DSCAM: variants seen among roughly 807,000 people sequenced by gnomAD.
DSCAM encodes DS cell adhesion molecule.
A neutral mutation model predicts 217.7 loss-of-function variants in DSCAM; 47 were observed. The ratio of observed to expected loss-of-function variants is 0.22; its 90% CI spans 0.17 to 0.28. DSCAM has a LOEUF of 0.28. Among genes scored for constraint, DSCAM ranks in the 10% least tolerant of loss-of-function variants. DSCAM has a pLI of 1.00. For missense variants in DSCAM, 2,080 were observed against 2,618.3 expected (o/e 0.79, Z 4.49); for synonymous variants, 1,056 against 1,015.3 (o/e 1.04, Z -0.76).
intron 1 of DSCAM, among the ~76,000 whole-genome samples, chr21:40,795,354 AT>A (rs11322744): frequency 0.47 from 69,937 of 148,974 alleles, 17,903 homozygotes; most frequent in South Asian, 0.66. Context: ...ACTACCCACA[AT>A]TTTTTTTTTT....
chr21:40,830,886 G>A (rs943931539), intron 1 of DSCAM, among the ~76,000 whole-genome samples: 3 of 152,176 alleles, frequency 2.0e-5, no homozygotes, highest in Non-Finnish European at 4.4e-5. Context: ...TTAGGCCACA[G>A]ACAAGAAGAC....
At chr21:40,691,432 A>G (rs1240936993) in intron 3 of DSCAM, among the ~76,000 whole-genome samples, 1 of 152,214 alleles carries the variant, frequency 6.6e-6, no homozygotes, top group African/African-American at 2.4e-5. Flanking sequence ...CCCTTGCCAT[A>G]TAAATTGGAG....
At chr21:40,485,163 C>T (rs1022507382) in intron 3 of DSCAM, among the ~76,000 whole-genome samples, 1 of 152,142 alleles carries the variant, frequency 6.6e-6, no homozygotes, top group African/African-American at 2.4e-5. Flanking sequence ...CCTGCTACCC[C>T]CTTTGCATCC....
Position 40,388,592 on chromosome 21 carries a change from C to G in DSCAM, c.509-19347G>C, listed in dbSNP as rs991077348. ...TTCCATAAGGCTGTCATGGTCATTA[C>G]TCTATTTAATCTTCATAGGAAAATC... On this transcript the variant is annotated intron_variant, in intron 3 of 32. Transcript: ENST00000400454. Among the ~76,000 whole-genome samples, 5 of 152,168 alleles carry G rather than the reference C, an allele frequency of 3.3e-5. No homozygotes were observed. In the East Asian group the frequency reaches 9.7e-4, roughly 29 times the overall value.
intron 3 of DSCAM, among the ~76,000 whole-genome samples, chr21:40,498,758 G>T (rs1422429423): frequency 0.04 from 375 of 9,468 alleles, no homozygotes; most frequent in Middle Eastern, 0.17. Context: ...TATATATATG[G>T]GTGTATATAT....
rs534412718 is a variant in DSCAM at position 40,533,461 on chromosome 21, T to C, written c.508+159349A>G. The stretch of plus-strand genomic sequence containing the variant: ...AAACATCTATCCATCCATCCACCCA[T>C]CGTCCATCCATCCGTCCGTCCATCC... On this transcript the variant is annotated intron_variant, in intron 3 of 32. Coordinates refer to ENST00000400454, the MANE Select transcript of DSCAM (RefSeq NM_001389.5). Among the ~76,000 whole-genome samples, 248 of 151,686 alleles carry C rather than the reference T, an allele frequency of 1.6e-3. 1 individual carries two copies. The highest frequency in any genetic ancestry group is 5.6e-3 in the African/African-American group (231 of 41,318).
chr21:40,570,201 G>A (rs1005565632), intron 3 of DSCAM, among the ~76,000 whole-genome samples: 1 of 152,230 alleles, frequency 6.6e-6, no homozygotes, highest in Non-Finnish European at 1.5e-5. Flanking sequence ...TGGAAAGCTG[G>A]TTACTGGTCA....
At chr21:40,495,269 A>C (rs1298858248) in intron 3 of DSCAM, among the ~76,000 whole-genome samples, 1 of 152,098 alleles carries the variant, frequency 6.6e-6, no homozygotes, top group South Asian at 2.1e-4. Flanking sequence ...AGACAAGAAC[A>C]CTCTAAGAAA....
intron 29 of DSCAM, among the ~76,000 whole-genome samples, chr21:40,055,055 G>A (rs996078127): frequency 2.6e-5 from 4 of 152,212 alleles, no homozygotes; most frequent in Admixed American, 6.5e-5. Context: ...GAGGCAGGCA[G>A]TGTGGGGTAA....
chr21:40,556,415 G>A (rs1287382745), intron 3 of DSCAM, among the ~76,000 whole-genome samples: 1 of 152,148 alleles, frequency 6.6e-6, no homozygotes, highest in African/African-American at 2.4e-5. Context: ...ACGTTATTAA[G>A]AAAATTGTAA....
At chr21:40,343,872 T>G in intron 6 of DSCAM, among the ~76,000 whole-genome samples, 2 of 150,558 alleles carry the variant, frequency 1.3e-5, no homozygotes, top group South Asian at 4.2e-4. Context: ...TTTTATTTTT[T>G]ATTTTATTAT....
chr21:40,275,925 C>T (rs577109333), intron 11 of DSCAM, among the ~76,000 whole-genome samples, 172 bp downstream of exon 11: 1 of 152,300 alleles, frequency 6.6e-6, no homozygotes, highest in South Asian at 2.1e-4. Context: ...TGTTTACCAT[C>T]CTCTTCAATC....
At chr21:40,489,229 C>A (rs73362905) in intron 3 of DSCAM, among the ~76,000 whole-genome samples, 11,608 of 152,110 alleles carry the variant, frequency 0.076, 731 homozygotes, top group African/African-American at 0.17. Flanking sequence ...CTCCCTAATG[C>A]GGGTGACCTC....
intron 20 of DSCAM, among the ~76,000 whole-genome samples, chr21:40,113,078 C>T (rs1432323114): frequency 6.6e-6 from 1 of 152,150 alleles, no homozygotes; most frequent in African/African-American, 2.4e-5. Flanking sequence ...AGGCCAGCAT[C>T]ATCCTGATAC....
intron 3 of DSCAM, among the ~76,000 whole-genome samples, chr21:40,685,532 T>C (rs117997250): frequency 2.6e-5 from 4 of 152,200 alleles, no homozygotes; most frequent in African/African-American, 9.6e-5. Context: ...ACATTGCACC[T>C]CTTATCATGA....
chr21:40,315,919 CTAAAAG>C (rs1003638384), intron 8 of DSCAM, among the ~76,000 whole-genome samples: 2 of 152,216 alleles, frequency 1.3e-5, no homozygotes, highest in Non-Finnish European at 2.9e-5. Context: ...GGGTGAGAAA[CTAAAAG>C]TAAATTATAA....
chr21:40,156,114 C>A, intron 16 of DSCAM, among the ~76,000 whole-genome samples: 1 of 151,028 alleles, frequency 6.6e-6, no homozygotes, highest in Middle Eastern at 3.2e-3. Context: ...CTAAGAGAAC[C>A]CTTAAGTGAT....
chr21:40,516,955 ACT>A (rs974524782), intron 3 of DSCAM, among the ~76,000 whole-genome samples: 3 of 145,656 alleles, frequency 2.1e-5, no homozygotes, highest in African/African-American at 5.0e-5. Flanking sequence ...TATTCACCTT[ACT>A]CTCTGTAAAT....
At chr21:40,571,966 G>A (rs1396151996) in intron 3 of DSCAM, among the ~76,000 whole-genome samples, 4 of 152,138 alleles carry the variant, frequency 2.6e-5, no homozygotes, top group African/African-American at 9.7e-5. Flanking sequence ...TTTCATTAGG[G>A]ATGTTCAACT....
Sources: gnomAD v4.1 joint callset for allele counts (sites outside exome capture counted in the v4.1 genomes callset) on GRCh38, gnomAD v4.1.1 for gene constraint, MANE v1.5 for transcripts, NCBI Gene and HGNC (gene_info 2026-07-23, HGNC 2026-07-21) for gene names.